The following PIEZO1 variants were observed in gnomAD, a reference collection of about 807,000 sequenced individuals.
PIEZO1 encodes piezo type mechanosensitive ion channel component 1 (Er blood group), also known as piezo-type mechanosensitive ion channel component 1.
In PIEZO1, 296 loss-of-function variants were observed where a neutral mutation model predicts 297.2. That is an observed-to-expected ratio of 1.00 (90% CI 0.91 to 1.10). PIEZO1 has a LOEUF of 1.10. PIEZO1 is among the 50% of genes least tolerant of loss of function. The probability of loss-of-function intolerance (pLI) is 0.00; values close to 1 mark genes in which losing one functional copy is unlikely to be tolerated. For missense variants in PIEZO1, 5,018 were observed against 3,455.5 expected (o/e 1.45, Z -11.34); for synonymous variants, 2,427 against 1,507.5 (o/e 1.61, Z -14.13).
At chr16:88,783,265 G>A (rs1908017694) in intron 1 of PIEZO1, among the ~76,000 whole-genome samples, 1 of 152,242 alleles carries the variant, frequency 6.6e-6, no homozygotes, top group Non-Finnish European at 1.5e-5. Context: ...ATGTGCCACA[G>A]AATCGGGCTC....
intron 1 of PIEZO1, among the ~76,000 whole-genome samples, chr16:88,777,280 T>C (rs1183635739): frequency 6.6e-6 from 1 of 152,236 alleles, no homozygotes; most frequent in Non-Finnish European, 1.5e-5. Flanking sequence ...GGACCTGCTC[T>C]TTTAGGAAAA....
intron 1 of PIEZO1, among the ~76,000 whole-genome samples, chr16:88,779,459 C>T (rs979281630): frequency 3.3e-5 from 5 of 152,338 alleles, no homozygotes; most frequent in Admixed American, 6.5e-5. Context: ...CCGTGCGGGG[C>T]CCCCAACCTC....
Position 88,722,588 on chromosome 16 carries a change from C to T in PIEZO1, c.4770G>A (p.Val1590=), listed in dbSNP as rs183221795. 1,576 of 1,530,812 alleles carry T rather than the reference C, an allele frequency of 1.0e-3. 14 individuals carry two copies. In the African/African-American group the frequency reaches 0.018, roughly 17 times the overall value. 94.8% of individuals were successfully genotyped at this position (1,530,812 alleles called of 1,614,324 possible). A position where few individuals can be genotyped will look rare whatever the true frequency, so the allele number is the denominator to read the frequency against. Residue 1590 remains valine, a synonymous_variant, in exon 35 of 51, where the codon GTG becomes GTA. Transcript: ENST00000301015. ...PTEAPNAPST[V]SSGLGAEEPL... is the part of the protein sequence containing the mutation. Reference sequence around the variant, plus strand: ...CGGGTCACCCCCGCACCTACCTGGACACGGTGCTTGGGGCATTGGGGGCCT... The same window carrying T: ...CGGGTCACCCCCGCACCTACCTGGATACGGTGCTTGGGGCATTGGGGGCCT...
At chr16:88,725,827 T>A in intron 27 of PIEZO1, 143 bp from the exon 28 acceptor site, 1 of 624,116 alleles carries the variant, frequency 1.6e-6, no homozygotes, top group Admixed American at 2.7e-5. Flanking sequence ...GGGGGAGGCA[T>A]CTGCTGCCCC....
chr16:88,737,562 G>T lies in PIEZO1; in HGVS notation c.1192C>A (p.Pro398Thr). Residue 398 changes from proline (P) to threonine (T), a missense_variant, in exon 10 of 51, where the codon CCT becomes ACT. Transcript: ENST00000301015. Reference sequence around the variant, plus strand: ...CCTTGCAGTGTGCGGTACTCACCAGGCCGCCGCAGGACGGAGCTCTGGCCG... The same window carrying T: ...CCTTGCAGTGTGCGGTACTCACCAGTCCGCCGCAGGACGGAGCTCTGGCCG... ...LTGQSSVLRR[P>T]VRPKRAEPRE... 6.5e-7 allele frequency: 1 copy of T among 1,531,878 alleles called. No homozygotes were observed. Among genetic ancestry groups the T allele is most frequent in the Non-Finnish European group, 8.7e-7 (1 of 1,144,676 alleles). 94.9% of individuals were successfully genotyped at this position (1,531,878 alleles called of 1,614,324 possible). A position where few individuals can be genotyped will look rare whatever the true frequency, so the allele number is the denominator to read the frequency against.
At chr16:88,770,139 G>A (rs1481991113) in intron 1 of PIEZO1, among the ~76,000 whole-genome samples, 2 of 152,104 alleles carry the variant, frequency 1.3e-5, no homozygotes, top group Admixed American at 6.5e-5. Flanking sequence ...CTCTCTCCAG[G>A]CAGAGAGTGC....
chr16:88,769,399 G>C (rs1907319978), intron 1 of PIEZO1, among the ~76,000 whole-genome samples: 1 of 152,210 alleles, frequency 6.6e-6, no homozygotes, highest in Non-Finnish European at 1.5e-5. Flanking sequence ...GGCGTATGAA[G>C]TCAGGCCTGG....
chr16:88,751,500 A>C (rs529631652), intron 1 of PIEZO1, among the ~76,000 whole-genome samples: 1 of 152,148 alleles, frequency 6.6e-6, no homozygotes, highest in East Asian at 1.9e-4. Context: ...CACATCGCGG[A>C]GTGCCGGGCT....
chr16:88,731,520 G>T (rs960530125), intron 22 of PIEZO1, 186 bp downstream of exon 22: 1 of 589,366 alleles, frequency 1.7e-6, no homozygotes, highest in Non-Finnish European at 3.0e-6. Context: ...AGGGGGCCAG[G>T]CCGCCCCCGA....
chr16:88,765,195 G>A (rs1021484045), intron 1 of PIEZO1, among the ~76,000 whole-genome samples: 8 of 152,190 alleles, frequency 5.3e-5, no homozygotes, highest in South Asian at 2.1e-4. Flanking sequence ...GGACTTCCCC[G>A]GCACTCAGAG....
intron 1 of PIEZO1, among the ~76,000 whole-genome samples, chr16:88,778,277 G>A (rs920930875): frequency 7.2e-5 from 11 of 152,052 alleles, no homozygotes; most frequent in African/African-American, 2.4e-4. Flanking sequence ...CATTTTAGCC[G>A]CCCATCCACA....
chr16:88,717,828 A>C (rs1408376242), intron 44 of PIEZO1: 1 of 441,780 alleles, frequency 2.3e-6, no homozygotes, highest in Non-Finnish European at 4.5e-6. Context: ...AACAGAAAAA[A>C]CTCTAATAAA....
In PIEZO1 at chr16:88,725,687, G is replaced by A; in HGVS notation, c.3969-3C>T. 1 of 1,502,640 alleles carries A rather than the reference G, an allele frequency of 6.7e-7. No homozygotes were observed. 93.1% of individuals were successfully genotyped at this position (1,502,640 alleles called of 1,614,324 possible). On this transcript the variant is annotated splice_polypyrimidine_tract_variant and splice_region_variant and intron_variant, in intron 27 of 50. Coordinates refer to ENST00000301015, the MANE Select transcript of PIEZO1 (RefSeq NM_001142864.4). ...CAGCGTTGTAGAGGGCGAAGCCCCT[G>A]TAGGGAGGCGGGGATGGGGTGTGAG...
chr16:88,750,165 T>A (rs1906313124), intron 1 of PIEZO1, among the ~76,000 whole-genome samples: 2 of 150,174 alleles, frequency 1.3e-5, no homozygotes, highest in South Asian at 4.2e-4. Flanking sequence ...TGAATCCCTG[T>A]CTTGACAAAA....
rs1444856292 is a variant in PIEZO1, at chr16:88,734,993, G to C, written c.1730C>G (p.Ala577Gly). Residue 577 changes from alanine to glycine, a missense_variant, in exon 14 of 51, where the codon GCC becomes GGC. Coordinates refer to ENST00000301015, the MANE Select transcript of PIEZO1 (RefSeq NM_001142864.4). Reference protein sequence around the residue: ...SLGELVKGVYAKYWIYVCAGM... With the variant: ...SLGELVKGVYGKYWIYVCAGM... ...AGCACACACATAGATCCAGTACTTG[G>C]CGTACACGCCCTTCACCAGCTCCCC... The C allele has an allele frequency of 1.3e-6, 2 of 1,550,538 alleles. No individual in the cohort carries two copies. Among genetic ancestry groups the C allele is most frequent in the South Asian group, 2.4e-5 (2 of 84,068 alleles).
At chr16:88,722,726 G>A (rs1011571242) in intron 34 of PIEZO1, 37 bp from the exon 35 acceptor site, 2 of 1,530,914 alleles carry the variant, frequency 1.3e-6, no homozygotes, top group African/African-American at 1.4e-5. Flanking sequence ...GCTGCGTCCA[G>A]CTCTTGTCCC....
Position 88,726,404 on chromosome 16 carries a change from G to C in PIEZO1, c.3848C>G (p.Ala1283Gly), listed in dbSNP as rs1200063833. 1.3e-6 allele frequency: 2 copies of C among 1,550,386 alleles called. No homozygotes were observed. Among genetic ancestry groups the C allele is most frequent in the Non-Finnish European group, 1.7e-6 (2 of 1,146,922 alleles). The change falls in exon 27 of 51, where the codon GCT becomes GGT. Residue 1283 changes from alanine (A) to glycine (G), a missense_variant. Physicochemically the swap from Ala to Gly is moderately conservative, Grantham distance 60. Transcript: ENST00000301015. ...DQDCLLPVEE[A>G]GIIWDSVCFF... Reference sequence around the variant, plus strand: ...GCAGACGCTGTCCCAGATGATGCCAGCCTCCTCCACAGGCAGCAGGCAGTC... The same window carrying C: ...GCAGACGCTGTCCCAGATGATGCCACCCTCCTCCACAGGCAGCAGGCAGTC...
At position 88,716,581 on chromosome 16, in the gene PIEZO1, G is replaced by T. The variant is rs1016417537; in HGVS notation, c.6904C>A (p.Arg2302Ser). The T allele has an allele frequency of 3.2e-6, 5 of 1,546,136 alleles. No homozygotes were observed. Among genetic ancestry groups the T allele is most frequent in the South Asian group, 1.2e-5 (1 of 83,538 alleles). ...LYNGTADITLRFTWNFQRDLA... is the reference protein window; with the variant it reads ...LYNGTADITLSFTWNFQRDLA... Reference sequence around the variant, plus strand: ...AACCTCTGGAAGTTCCAGGTGAAGCGCAGGGTGATGTCGGCCGTGCCGTTG... The same window carrying T: ...AACCTCTGGAAGTTCCAGGTGAAGCTCAGGGTGATGTCGGCCGTGCCGTTG... Residue 2302 changes from arginine (R) to serine (S), a missense_variant, in exon 47 of 51, where the codon CGC (arginine) becomes AGC (serine). Coordinates refer to ENST00000301015, the MANE Select transcript of PIEZO1 (RefSeq NM_001142864.4).
At chr16:88,770,428 G>A (rs569944949) in intron 1 of PIEZO1, among the ~76,000 whole-genome samples, 19 of 152,336 alleles carry the variant, frequency 1.2e-4, no homozygotes, top group African/African-American at 3.8e-4. Context: ...GGACGGGAGC[G>A]GCTGCCTGGC....
Sources: allele counts gnomAD v4.1 joint callset (sites outside exome capture counted in the v4.1 genomes callset), GRCh38; gene constraint gnomAD v4.1.1; transcripts MANE v1.5; gene names NCBI Gene and HGNC (gene_info 2026-07-23, HGNC 2026-07-21).